Variants in CR1L observed in about 807,000 individuals in gnomAD.
CR1L encodes the protein complement C3b/C4b receptor 1 like.
CR1L carries 59 observed loss-of-function variants against 62.3 expected under a neutral mutation model. The observed-to-expected ratio is 0.95, with a 90% CI of 0.77 to 1.18. CR1L has a LOEUF of 1.18. Among genes scored for constraint, CR1L ranks in the 50% most tolerant of loss-of-function variants. CR1L has a pLI of 0.00. For missense variants in CR1L, 700 were observed against 702.8 expected (o/e 1.00, Z 0.04); for synonymous variants, 279 against 248.7 (o/e 1.12, Z -1.15).
intron 9 of CR1L, 81 bp from the exon 10 acceptor site, chr1:207,708,097 C>T (rs1047163977): frequency 3.3e-6 from 5 of 1,515,498 alleles, no homozygotes; most frequent in Non-Finnish European, 4.6e-6. Flanking sequence ...ATTGTAATCC[C>T]TCTGGTTTGC....
intron 9 of CR1L, among the ~76,000 whole-genome samples, chr1:207,702,962 T>C (rs1664215102): frequency 6.6e-6 from 1 of 152,158 alleles, no homozygotes; most frequent in African/African-American, 2.4e-5. Context: ...GGGTTGCCTG[T>C]AGTTCCAGCT....
rs1305998476 is a variant in CR1L, at chr1:207,701,502, C to A, written c.1229-17C>A. On this transcript the variant is annotated splice_polypyrimidine_tract_variant and intron_variant, in intron 8 of 11. Coordinates refer to ENST00000508064, the MANE Select transcript of CR1L (RefSeq NM_175710.2). Reference sequence around the variant, plus strand: ...CAGATTACTCTACCTGGCTCCAAAACATTTTCTTTCCCACAGGTAAATCAT... The same window carrying A: ...CAGATTACTCTACCTGGCTCCAAAAAATTTTCTTTCCCACAGGTAAATCAT... 1 of 1,613,378 alleles carries A rather than the reference C, an allele frequency of 6.2e-7. No individual in the cohort carries two copies. The highest frequency in any genetic ancestry group is 8.5e-7 in the Non-Finnish European group (1 of 1,179,462).
chr1:207,703,292 C>CT (rs1167430508), intron 9 of CR1L, among the ~76,000 whole-genome samples: 1 of 152,186 alleles, frequency 6.6e-6, no homozygotes, highest in Non-Finnish European at 1.5e-5. Flanking sequence ...GATAGGCTGC[C>CT]TTTTTAGGAG....
intron 10 of CR1L, chr1:207,710,613 C>T: frequency 6.2e-7 from 1 of 1,610,070 alleles, no homozygotes; most frequent in Non-Finnish European, 8.5e-7. Context: ...AAATGCACAC[C>T]TCCAAATGTG....
chr1:207,657,212 G>T (rs774432042), intron 1 of CR1L: 11 of 1,298,182 alleles, frequency 8.5e-6, no homozygotes, highest in East Asian at 2.3e-5. Flanking sequence ...TGCAGTAACT[G>T]ATAGTTGTGA....
In CR1L at chr1:207,701,637, C is replaced by A. The variant is rs769189293; in HGVS notation, c.1328+19C>A. On this transcript the variant is annotated intron_variant, in intron 9 of 11. Transcript: ENST00000508064. ...CTACAGGGTGAGTTGGCAGCAACAT[C>A]TCTTGGTTCCAGAGTTCCAGCACAG... is the stretch of plus-strand genomic sequence containing the variant. The A allele has an allele frequency of 1.2e-6, 2 of 1,613,486 alleles. No individual in the cohort carries two copies. The highest frequency in any genetic ancestry group is 2.2e-5 in the South Asian group (2 of 91,078).
intron 1 of CR1L, among the ~76,000 whole-genome samples, chr1:207,660,051 A>G (rs1425594061): frequency 6.6e-6 from 1 of 152,256 alleles, no homozygotes; most frequent in African/African-American, 2.4e-5. Context: ...ACTGCAGCTC[A>G]GCAAGGCCTA....
At chr1:207,690,264 C>T (rs574588373) in intron 4 of CR1L, among the ~76,000 whole-genome samples, 2 of 152,124 alleles carry the variant, frequency 1.3e-5, no homozygotes, top group African/African-American at 2.4e-5. Context: ...TTTTACTTCC[C>T]ACAATCTTTA....
At chr1:207,660,383 A>T (rs543685943) in intron 1 of CR1L, among the ~76,000 whole-genome samples, 9 of 152,336 alleles carry the variant, frequency 5.9e-5, no homozygotes, top group African/African-American at 1.7e-4. Flanking sequence ...ATACCCACGC[A>T]AACAAGGTCT....
intron 8 of CR1L, 89 bp from the exon 9 acceptor site, chr1:207,701,430 T>C (rs1571528887): frequency 1.3e-6 from 2 of 1,528,070 alleles, no homozygotes; most frequent in East Asian, 2.3e-5. Context: ...GCGTGTTTTC[T>C]TCAGGAAGCT....
intron 10 of CR1L, among the ~76,000 whole-genome samples, chr1:207,713,770 G>C (rs1367460339): frequency 2.6e-5 from 4 of 152,268 alleles, no homozygotes; most frequent in Admixed American, 1.3e-4. Flanking sequence ...AAGCCCAGAG[G>C]GGGTGTAACA....
intron 1 of CR1L, chr1:207,669,641 C>A: frequency 2.3e-6 from 2 of 878,352 alleles, no homozygotes; most frequent in Non-Finnish European, 3.4e-6. Context: ...TCGCGTGCCG[C>A]GCTGGGCTGC....
At chr1:207,653,389 T>A (rs554571791) in intron 1 of CR1L, among the ~76,000 whole-genome samples, 1 of 152,376 alleles carries the variant, frequency 6.6e-6, no homozygotes, top group South Asian at 2.1e-4. Flanking sequence ...AAAGCATAAC[T>A]ACTTGCTATT....
chr1:207,660,032 G>A (rs1297590127), intron 1 of CR1L, among the ~76,000 whole-genome samples: 1 of 152,236 alleles, frequency 6.6e-6, no homozygotes. Flanking sequence ...CCTGAACTGG[G>A]TGGAGCCCAC....
At chr1:207,670,252 T>C (rs147878585) in intron 1 of CR1L, among the ~76,000 whole-genome samples, 1 of 151,162 alleles carries the variant, frequency 6.6e-6, no homozygotes, top group East Asian at 1.9e-4. Context: ...CAGCATACTT[T>C]AAGACAGATG....
rs565535988 is a variant in CR1L at position 207,664,890 on chromosome 1, A to G, written c.98-12499A>G. 2.6e-4 allele frequency among the ~76,000 whole-genome samples: 39 copies of G among 152,370 alleles called. No homozygotes were observed. The South Asian group carries it at 7.5e-3, about 29-fold the overall frequency. On this transcript the variant is annotated intron_variant, in intron 1 of 11. Coordinates refer to ENST00000508064, the MANE Select transcript of CR1L (RefSeq NM_175710.2). ...AATGTGCTAATGTGAAAAAATGTCC[A>G]GGAAGTCCTAAGCGGAAAAGAGGAA...
chr1:207,664,568 C>T (rs988157714), intron 1 of CR1L, among the ~76,000 whole-genome samples: 4 of 152,072 alleles, frequency 2.6e-5, no homozygotes, highest in Non-Finnish European at 5.9e-5. Flanking sequence ...AATAAGGTAT[C>T]CAGGCTTACT....
chr1:207,667,126 A>G (rs533202396), intron 1 of CR1L, among the ~76,000 whole-genome samples: 33 of 152,320 alleles, frequency 2.2e-4, no homozygotes, highest in African/African-American at 7.7e-4. Context: ...CATCTTTCTC[A>G]GTTTAAAAAA....
At chr1:207,662,223 A>T (rs1448601672) in intron 1 of CR1L, among the ~76,000 whole-genome samples, 1 of 152,144 alleles carries the variant, frequency 6.6e-6, no homozygotes, top group African/African-American at 2.4e-5. Flanking sequence ...GTTCTCCTGG[A>T]TAATATCCTG....
Sources: allele counts gnomAD v4.1 joint callset (sites outside exome capture counted in the v4.1 genomes callset), GRCh38; gene constraint gnomAD v4.1.1; transcripts MANE v1.5; gene names NCBI Gene and HGNC (gene_info 2026-07-23, HGNC 2026-07-21).